WBP1L: variants seen among roughly 807,000 people sequenced by gnomAD.
WBP1L encodes WW domain binding protein 1-like.
Under a neutral mutation model 33.7 loss-of-function variants are expected in WBP1L, and 17 were observed. The observed-to-expected ratio is 0.50, with a 90% CI of 0.34 to 0.76. The LOEUF (loss-of-function observed/expected upper bound fraction) is 0.76. Ranked by LOEUF, WBP1L falls within the 30% of genes least tolerant of loss-of-function variation. The pLI, the probability that WBP1L is intolerant of heterozygous loss-of-function variation, is 0.01. For synonymous variants in WBP1L, 173 were observed against 190.8 expected, an observed-to-expected ratio of 0.91 and a Z score of 0.77; for missense variants, 389 against 469.4, an observed-to-expected ratio of 0.83 and a Z score of 1.58.
At chr10:102,804,987 A>AAACAT (rs1329388694) in intron 2 of WBP1L, among the ~76,000 whole-genome samples, 1 of 152,140 alleles carries the variant, frequency 6.6e-6, no homozygotes, top group African/African-American at 2.4e-5. Flanking sequence ...AAACAAAACA[A>AAACAT]AAACAACCAT....
At chr10:102,784,059 T>C (rs1299541447) in intron 1 of WBP1L, among the ~76,000 whole-genome samples, 2 of 152,164 alleles carry the variant, frequency 1.3e-5, no homozygotes, top group Admixed American at 1.3e-4. Context: ...GAGTCATTTT[T>C]TGTGGGCCAG....
At chr10:102,752,664 A>G (rs181440156) in intron 1 of WBP1L, among the ~76,000 whole-genome samples, 2 of 152,262 alleles carry the variant, frequency 1.3e-5, no homozygotes, top group Non-Finnish European at 2.9e-5. Flanking sequence ...TAGTCCTGCA[A>G]CCAATCTGAA....
chr10:102,807,161 G>A (rs1182846423), intron 2 of WBP1L, among the ~76,000 whole-genome samples: 2 of 152,106 alleles, frequency 1.3e-5, no homozygotes, highest in Non-Finnish European at 2.9e-5. Context: ...CAAGAATAGA[G>A]AACAAACAAT....
At chr10:102,789,339 C>T (rs1843463450) in intron 1 of WBP1L, among the ~76,000 whole-genome samples, 1 of 152,184 alleles carries the variant, frequency 6.6e-6, no homozygotes, top group African/African-American at 2.4e-5. Context: ...TTTCACACTG[C>T]TTTCCCTGAG....
In WBP1L at chr10:102,815,178, G is replaced by T. The variant is rs910298952; in HGVS notation, c.*1847G>T. 2.0e-5 allele frequency: 3 copies of T among 152,612 alleles called. No individual in the cohort carries two copies. The highest frequency in any genetic ancestry group is 2.9e-5 in the Non-Finnish European group (2 of 68,042). 9.5% of individuals were successfully genotyped at this position (152,612 alleles called of 1,614,324 possible). A position where few individuals can be genotyped will look rare whatever the true frequency, so the allele number is the denominator to read the frequency against. ...TTTACTGTTTACCGAACAAATGTCT[G>T]ACTGTGTACTCGGGTGTACTCCGCA... On this transcript the variant is annotated 3_prime_UTR_variant, in exon 4 of 4. Coordinates refer to ENST00000448841, the MANE Select transcript of WBP1L (RefSeq NM_001083913.2).
rs1257838739 is a variant in WBP1L at position 102,812,967 on chromosome 10, T to C, written c.728T>C (p.Leu243Pro). The C allele has an allele frequency of 6.2e-7, 1 of 1,610,208 alleles. No homozygotes were observed. Among genetic ancestry groups the C allele is most frequent in the Non-Finnish European group, 8.5e-7 (1 of 1,177,358 alleles). ...LDKDAECREE[L>P]LKDDSSEHGA... ...AAAGATGCAGAATGTAGGGAGGAGC[T>C]GCTGAAAGATGACAGCTCTGAACAC... The change falls in exon 4 of 4, where the codon CTG becomes CCG. Residue 243 changes from leucine to proline, a missense_variant. Leu to Pro is a moderately conservative substitution (Grantham distance 98). Transcript: ENST00000448841.
Position 102,744,058 on chromosome 10 carries a change from A to G in WBP1L, c.5A>G (p.Glu2Gly). Reference sequence around the variant, plus strand: ...AGGAGCAGGAGCAGGAGGGGGATGGAGAGGAGAAGGCTCCTGGGTGGCATG... The same window carrying G: ...AGGAGCAGGAGCAGGAGGGGGATGGGGAGGAGAAGGCTCCTGGGTGGCATG... Reference protein sequence around the residue: MERRRLLGGMAL... With the variant: MGRRRLLGGMAL... The change falls in exon 1 of 4, where the codon GAG becomes GGG. Residue 2 changes from glutamate (E) to glycine (G), a missense_variant. Transcript: ENST00000448841. 1.9e-6 allele frequency: 3 copies of G among 1,550,644 alleles called. No homozygotes were observed. The highest frequency in any genetic ancestry group is 2.6e-6 in the Non-Finnish European group (3 of 1,146,982).
intron 1 of WBP1L, among the ~76,000 whole-genome samples, chr10:102,773,017 A>G (rs1843212963): frequency 6.7e-6 from 1 of 149,930 alleles, no homozygotes; most frequent in Admixed American, 6.7e-5. Flanking sequence ...AGAAGGATTT[A>G]CCCTACCTTT....
chr10:102,799,842 C>G (rs186569143), intron 2 of WBP1L, among the ~76,000 whole-genome samples: 2 of 152,260 alleles, frequency 1.3e-5, no homozygotes, highest in Admixed American at 1.3e-4. Context: ...AGACTCTTGG[C>G]TGGGAGGTCT....
At chr10:102,753,971 C>A (rs1004224851) in intron 1 of WBP1L, among the ~76,000 whole-genome samples, 2 of 152,178 alleles carry the variant, frequency 1.3e-5, no homozygotes, top group Non-Finnish European at 2.9e-5. Context: ...TTTCAAAATT[C>A]TACATGTTAC....
intron 3 of WBP1L, 55 bp downstream of exon 3, chr10:102,810,109 A>G (rs1843808341): frequency 1.3e-6 from 2 of 1,554,248 alleles, no homozygotes; most frequent in African/African-American, 2.7e-5. Context: ...GCACAGACCC[A>G]GGGCTCACAC....
intron 1 of WBP1L, among the ~76,000 whole-genome samples, chr10:102,777,561 CTTTTTTTTTT>C (rs35713577): frequency 7.2e-5 from 4 of 55,570 alleles, no homozygotes; most frequent in East Asian, 1.2e-3. Context: ...AAAGGCTGTC[CTTTTTTTTTT>C]TTTTTTTTTT....
rs115600617 is a variant in WBP1L, at chr10:102,745,745, C to T, written c.90+1602C>T. ...GATATGTTTGTGTATACTAGAAATA[C>T]CATGTGAAAGGAATGTAGCTCATTT... On this transcript the variant is annotated intron_variant, in intron 1 of 3. Transcript: ENST00000448841. Among the ~76,000 whole-genome samples, 388 of 152,250 alleles carry T rather than the reference C, an allele frequency of 2.5e-3. 3 individuals carry two copies. Among genetic ancestry groups the T allele is most frequent in the African/African-American group, 8.9e-3 (371 of 41,542 alleles).
chr10:102,800,540 T>C (rs1843641739), intron 2 of WBP1L, among the ~76,000 whole-genome samples: 2 of 152,144 alleles, frequency 1.3e-5, no homozygotes, highest in African/African-American at 4.8e-5. Flanking sequence ...TACGGGCGTT[T>C]AGGAAAGGAG....
At chr10:102,800,114 GAC>G (rs1843634892) in intron 2 of WBP1L, among the ~76,000 whole-genome samples, 1 of 152,130 alleles carries the variant, frequency 6.6e-6, no homozygotes. Context: ...CTTACTAGAG[GAC>G]ACACAGTGCC....
At chr10:102,809,322 C>T (rs1843790985) in intron 2 of WBP1L, among the ~76,000 whole-genome samples, 1 of 151,834 alleles carries the variant, frequency 6.6e-6, no homozygotes, top group Admixed American at 6.6e-5. Context: ...AGGTGATCTG[C>T]ACGCCTCGGC....
chr10:102,749,216 G>GAATTTTGAAACATATTT (rs573849457), intron 1 of WBP1L, among the ~76,000 whole-genome samples: 1 of 152,130 alleles, frequency 6.6e-6, no homozygotes, highest in Admixed American at 6.5e-5. Context: ...CTGAGGAACT[G>GAATTTTGAAACATATTT]AATTTTGAAA....
At chr10:102,809,183 T>C (rs184595973) in intron 2 of WBP1L, among the ~76,000 whole-genome samples, 194 of 152,270 alleles carry the variant, frequency 1.3e-3, no homozygotes, top group Non-Finnish European at 2.3e-3. Flanking sequence ...GTTCAAGCAA[T>C]TCTCCTGCCT....
chr10:102,795,247 TA>T (rs1404394123), intron 1 of WBP1L, among the ~76,000 whole-genome samples: 1 of 152,242 alleles, frequency 6.6e-6, no homozygotes, highest in Admixed American at 6.5e-5. Flanking sequence ...CAGTTTAAGG[TA>T]AGCTAGGCTA....
Sources: allele counts gnomAD v4.1 joint callset (sites outside exome capture counted in the v4.1 genomes callset), GRCh38; gene constraint gnomAD v4.1.1; transcripts MANE v1.5; gene names NCBI Gene and HGNC (gene_info 2026-07-23, HGNC 2026-07-21).